Variants in CARMIL1 observed in about 807,000 individuals in gnomAD.
The protein encoded by CARMIL1 is capping protein regulator and myosin 1 linker 1.
In CARMIL1, 90 loss-of-function variants were observed where a neutral mutation model predicts 177.1. That is an observed-to-expected ratio of 0.51 (90% CI 0.43 to 0.61). The LOEUF (loss-of-function observed/expected upper bound fraction) is 0.61, where lower values mean the gene tolerates loss of function less well. Among genes scored for constraint, CARMIL1 ranks in the 20% least tolerant of loss-of-function variants. The pLI is 0.00. For missense variants in CARMIL1, 1,380 were observed against 1,667.0 expected, an observed-to-expected ratio of 0.83 and a Z score of 3.00; for synonymous variants, 577 against 606.2, an observed-to-expected ratio of 0.95 and a Z score of 0.71.
chr6:25,499,135 A>G (rs1323026902), intron 16 of CARMIL1, among the ~76,000 whole-genome samples: 1 of 152,190 alleles, frequency 6.6e-6, no homozygotes, highest in Non-Finnish European at 1.5e-5. Context: ...AGACTTGGGC[A>G]TAAAATAATT....
chr6:25,451,936 T>C, intron 8 of CARMIL1: 1 of 597,598 alleles, frequency 1.7e-6, no homozygotes, highest in East Asian at 2.8e-5. Flanking sequence ...ACAACTGAAG[T>C]GTCACAGAGG....
chr6:25,459,095 A>G (rs1290440588), intron 8 of CARMIL1, among the ~76,000 whole-genome samples: 1 of 151,900 alleles, frequency 6.6e-6, no homozygotes, highest in Non-Finnish European at 1.5e-5. Context: ...TATCAGTTTT[A>G]TGATGGCTTT....
rs748121104 is a variant in CARMIL1 at position 25,510,596 on chromosome 6, A to G, written c.1567A>G (p.Met523Val). The G allele has an allele frequency of 2.6e-6, 4 of 1,547,616 alleles. No homozygotes were observed. The highest frequency in any genetic ancestry group is 2.4e-5 in the East Asian group (1 of 41,260). ...GGCGTTAGGCAAAAATTTTAATAATATGAAATCCAAGTAAGAGTTTTGAAT... is the reference window on the plus strand; with the variant it reads ...GGCGTTAGGCAAAAATTTTAATAATGTGAAATCCAAGTAAGAGTTTTGAAT... ...HLALGKNFNN[M>V]KSKNLTPVLD... The change falls in exon 19 of 37, where the codon ATG becomes GTG. Residue 523 changes from methionine to valine, a missense_variant. Met to Val is a conservative substitution (Grantham distance 21). Transcript: ENST00000329474.
At chr6:25,391,122 CT>C (rs1172961249) in intron 2 of CARMIL1, among the ~76,000 whole-genome samples, 16 of 152,180 alleles carry the variant, frequency 1.1e-4, no homozygotes, top group African/African-American at 3.6e-4. Context: ...AGATAGTTAA[CT>C]AATTTAAAGA....
intron 2 of CARMIL1, among the ~76,000 whole-genome samples, chr6:25,304,374 G>A (rs549563641): frequency 1.3e-5 from 2 of 152,148 alleles, no homozygotes; most frequent in Non-Finnish European, 2.9e-5. Flanking sequence ...TAGAACAGCC[G>A]TCCCCAACCT....
chr6:25,494,276 C>T (rs545608112), intron 15 of CARMIL1, among the ~76,000 whole-genome samples: 2 of 152,212 alleles, frequency 1.3e-5, no homozygotes, highest in East Asian at 3.9e-4. Flanking sequence ...ATATGAATAA[C>T]TATCGTTAAG....
At position 25,447,237 on chromosome 6, in the gene CARMIL1, A is replaced by T. The variant is rs7771230; in HGVS notation, c.372-2661A>T. Among the ~76,000 whole-genome samples the T allele has an allele frequency of 1.5e-3, 228 of 152,338 alleles. 1 individual carries two copies. Among genetic ancestry groups the T allele is most frequent in the South Asian group, 0.013 (61 of 4,822 alleles). Reference sequence around the variant, plus strand: ...ATAAAATGAGGTATGTCGGAACCTGATTATGTCTTAGTCATAAAACTTACA... The same window carrying T: ...ATAAAATGAGGTATGTCGGAACCTGTTTATGTCTTAGTCATAAAACTTACA... On this transcript the variant is annotated intron_variant, in intron 5 of 36. Coordinates refer to ENST00000329474, the MANE Select transcript of CARMIL1 (RefSeq NM_017640.6).
At chr6:25,425,298 A>G (rs7774567) in intron 3 of CARMIL1, among the ~76,000 whole-genome samples, 141,879 of 152,222 alleles carry the variant, frequency 0.93, 66,173 homozygotes, top group East Asian at 1. Flanking sequence ...AGTATACTTC[A>G]TGTTGTTTAA....
At chr6:25,380,849 G>A (rs964165294) in intron 2 of CARMIL1, among the ~76,000 whole-genome samples, 3 of 147,408 alleles carry the variant, frequency 2.0e-5, no homozygotes, top group South Asian at 2.1e-4. Context: ...TTTGCCAGAT[G>A]TGGACTCATG....
intron 2 of CARMIL1, among the ~76,000 whole-genome samples, chr6:25,416,276 T>A (rs1581865044): frequency 6.6e-6 from 1 of 152,182 alleles, no homozygotes; most frequent in African/African-American, 2.4e-5. Context: ...TGTGGACTAT[T>A]GAGGAATCTG....
At chr6:25,357,640 C>T (rs1374874738) in intron 2 of CARMIL1, among the ~76,000 whole-genome samples, 2 of 152,044 alleles carry the variant, frequency 1.3e-5, no homozygotes, top group African/African-American at 4.8e-5. Flanking sequence ...AGTTATGATT[C>T]CAATTCTTTA....
At chr6:25,335,133 A>AT (rs1561999125) in intron 2 of CARMIL1, among the ~76,000 whole-genome samples, 1 of 152,084 alleles carries the variant, frequency 6.6e-6, no homozygotes, top group Admixed American at 6.6e-5. Flanking sequence ...TTTTCTTTCA[A>AT]TGAAGCGTAG....
chr6:25,459,279 TTAA>T (rs1379345484), intron 8 of CARMIL1, among the ~76,000 whole-genome samples: 1 of 142,988 alleles, frequency 7.0e-6, no homozygotes, highest in African/African-American at 2.5e-5. Flanking sequence ...TTTTTTTTTT[TTAA>T]GACAGGGTCT....
intron 29 of CARMIL1, chr6:25,563,673 A>G: frequency 2.0e-6 from 2 of 985,248 alleles, no homozygotes; most frequent in Non-Finnish European, 2.4e-6. Flanking sequence ...CATCCATCAT[A>G]TACCAGGTAT....
At chr6:25,567,973 A>G (rs1218920842) in intron 29 of CARMIL1, among the ~76,000 whole-genome samples, 2 of 152,210 alleles carry the variant, frequency 1.3e-5, no homozygotes, top group East Asian at 3.8e-4. Flanking sequence ...AGGAATTTAT[A>G]TTTAAGATTT....
At chr6:25,459,275 T>TCTTTCTTTCTTTTTCTTTCTTTCTTTC (rs1272799059) in intron 8 of CARMIL1, among the ~76,000 whole-genome samples, 1 of 141,430 alleles carries the variant, frequency 7.1e-6, no homozygotes. Context: ...TCTTTTTTTT[T>TCTTTCTTTCTTTTTCTTTCTTTCTTTC]TTTTTAAGAC....
At chr6:25,565,103 A>G (rs1028973786) in intron 29 of CARMIL1, among the ~76,000 whole-genome samples, 2 of 152,214 alleles carry the variant, frequency 1.3e-5, no homozygotes, top group East Asian at 3.8e-4. Context: ...AGTGGCACAT[A>G]TAGAGCTCTG....
intron 2 of CARMIL1, among the ~76,000 whole-genome samples, chr6:25,336,011 A>C (rs116423930): frequency 6.6e-6 from 1 of 150,422 alleles, no homozygotes; most frequent in Non-Finnish European, 1.5e-5. Context: ...TCTCTCGGCC[A>C]TTTGACTACT....
chr6:25,343,327 T>G (rs536994251), intron 2 of CARMIL1, among the ~76,000 whole-genome samples: 16 of 152,158 alleles, frequency 1.1e-4, no homozygotes, highest in African/African-American at 3.9e-4. Context: ...TTTTTTTTTT[T>G]TTTTTGGACA....
Sources: gnomAD v4.1 joint callset for allele counts (sites outside exome capture counted in the v4.1 genomes callset) on GRCh38, gnomAD v4.1.1 for gene constraint, MANE v1.5 for transcripts, NCBI Gene and HGNC (gene_info 2026-07-23, HGNC 2026-07-21) for gene names.